TRAK1: variants seen among roughly 807,000 people sequenced by gnomAD.
TRAK1 encodes trafficking kinesin-binding protein 1.
A neutral mutation model predicts 92.1 loss-of-function variants in TRAK1; 33 were observed. The ratio of observed to expected loss-of-function variants is 0.36; its 90% CI spans 0.27 to 0.48. The LOEUF (loss-of-function observed/expected upper bound fraction) is 0.48. Among genes scored for constraint, TRAK1 ranks in the 20% least tolerant of loss-of-function variants. The probability of loss-of-function intolerance (pLI) is 0.99; values close to 1 mark genes in which losing one functional copy is unlikely to be tolerated. For missense variants in TRAK1, 1,123 were observed against 1,257.9 expected, an observed-to-expected ratio of 0.89 and a Z score of 1.62; for synonymous variants, 521 against 517.3, an observed-to-expected ratio of 1.01 and a Z score of -0.10.
chr3:42,075,938 A>G (rs749284072), intron 1 of TRAK1, among the ~76,000 whole-genome samples: 2 of 151,844 alleles, frequency 1.3e-5, no homozygotes, highest in African/African-American at 2.4e-5. Context: ...TGCCTCCCAG[A>G]TTCAAGCAGT....
intron 2 of TRAK1, among the ~76,000 whole-genome samples, chr3:42,143,847 A>G (rs1236030922): frequency 1.3e-5 from 2 of 151,378 alleles, no homozygotes; most frequent in Non-Finnish European, 2.9e-5. Context: ...TAATTGTGAA[A>G]CTCTTCACAG....
At chr3:42,033,361 G>A (rs1424828005) in intron 1 of TRAK1, among the ~76,000 whole-genome samples, 1 of 152,180 alleles carries the variant, frequency 6.6e-6, no homozygotes, top group Non-Finnish European at 1.5e-5. Flanking sequence ...TCAAATTCTG[G>A]ATTCAGCATG....
intron 1 of TRAK1, among the ~76,000 whole-genome samples, chr3:42,043,521 C>T (rs371127043): frequency 6.6e-6 from 1 of 151,992 alleles, no homozygotes; most frequent in East Asian, 1.9e-4. Flanking sequence ...GCCCTGTGAG[C>T]AGACCTCTCC....
rs377753140 is a variant in TRAK1, at chr3:42,192,387, A to G, written c.770-688A>G. On this transcript the variant is annotated intron_variant, in intron 7 of 15. Coordinates refer to ENST00000327628, the MANE Select transcript of TRAK1 (RefSeq NM_001042646.3). Reference sequence around the variant, plus strand: ...GTTTACAAGTTAAGACCAAAGGTCAAAATACTAAGTATATTGCATTTCGTC... The same window carrying G: ...GTTTACAAGTTAAGACCAAAGGTCAGAATACTAAGTATATTGCATTTCGTC... Among the ~76,000 whole-genome samples, 10 of 152,250 alleles carry G rather than the reference A, an allele frequency of 6.6e-5. No homozygotes were observed. In the South Asian group the frequency reaches 1.7e-3, roughly 26 times the overall value.
At chr3:42,143,820 CAGAT>C (rs1393899528) in intron 2 of TRAK1, among the ~76,000 whole-genome samples, 1 of 152,136 alleles carries the variant, frequency 6.6e-6, no homozygotes, top group Non-Finnish European at 1.5e-5. Context: ...GATTTGATGT[CAGAT>C]AGACTTGGAT....
chr3:42,113,011 T>A (rs1708663368), intron 1 of TRAK1, among the ~76,000 whole-genome samples: 1 of 152,124 alleles, frequency 6.6e-6, no homozygotes, highest in Admixed American at 6.5e-5. Flanking sequence ...GCTCAAGTGA[T>A]CCTCCTGCCT....
intron 1 of TRAK1, among the ~76,000 whole-genome samples, chr3:42,022,729 A>AC (rs1036889582): frequency 9.0e-4 from 21 of 23,250 alleles, no homozygotes; most frequent in African/African-American, 9.6e-4. Context: ...TTTAAAAAAA[A>AC]AAAAACAAAA....
rs151087421 is a variant in TRAK1 at position 42,202,602 on chromosome 3, G to A, written c.1594G>A (p.Glu532Lys). Residue 532 changes from glutamate (E) to lysine (K), a missense_variant, in exon 13 of 16, where the codon GAG (glutamate) becomes AAG (lysine). Transcript: ENST00000327628. The surrounding 1 kb of genome is among the most constrained non-coding windows in gnomAD (Gnocchi z 6.1). ...GCTCCAGGAGCTGGCGGAGAAGGGC[G>A]AGCTGCGCAGCGGCTCCCTCACACC... ...RKLQELAEKG[E>K]LRSGSLTPTE... is the part of the protein sequence containing the mutation. 26 of 1,593,200 alleles carry A rather than the reference G, an allele frequency of 1.6e-5. No individual in the cohort carries two copies. The highest frequency in any genetic ancestry group is 2.7e-5 in the African/African-American group (2 of 74,470).
rs889697568 is a variant in TRAK1 at position 42,210,854 on chromosome 3, C to T, written c.1963+869C>T. The T allele has an allele frequency of 3.7e-5, 36 of 978,502 alleles. No homozygotes were observed. The African/African-American group carries it at 6.1e-4, about 17-fold the overall frequency. The allele number at this position is 978,502 out of a possible 1,614,324, so 60.6% of individuals were successfully genotyped here. A position where few individuals can be genotyped will look rare whatever the true frequency, so the allele number is the denominator to read the frequency against. On this transcript the variant is annotated intron_variant, in intron 14 of 15. Transcript: ENST00000327628. ...AGCTCTGGCTGACTCCACCCACTGT[C>T]CCCAAGCATTAAAGGTGTGGCCATG...
chr3:42,180,991 T>C (rs1703920431), intron 3 of TRAK1, among the ~76,000 whole-genome samples: 1 of 152,190 alleles, frequency 6.6e-6, no homozygotes, highest in Non-Finnish European at 1.5e-5. Flanking sequence ...TTGTCCTTAG[T>C]GGGGCAAGAA....
chr3:42,143,138 A>G (rs1698882554), intron 2 of TRAK1, among the ~76,000 whole-genome samples: 1 of 152,134 alleles, frequency 6.6e-6, no homozygotes, highest in African/African-American at 2.4e-5. Flanking sequence ...AGAGCTGGAA[A>G]GAGTTGTTTT....
At chr3:42,127,708 A>C (rs969957787) in intron 2 of TRAK1, among the ~76,000 whole-genome samples, 1 of 152,142 alleles carries the variant, frequency 6.6e-6, no homozygotes, top group Non-Finnish European at 1.5e-5. Flanking sequence ...TAATTGGAAG[A>C]CCATCCATGG....
chr3:42,129,323 C>T lies in TRAK1; in HGVS notation c.286+3709C>T, dbSNP rs560846006. Reference sequence around the variant, plus strand: ...TGTGGGCGGGCATGGGGATAAGGAGCGCTGGGGTTCTGATACGCTCCCCTA... The same window carrying T: ...TGTGGGCGGGCATGGGGATAAGGAGTGCTGGGGTTCTGATACGCTCCCCTA... On this transcript the variant is annotated intron_variant, in intron 2 of 15. Transcript: ENST00000327628. Among the ~76,000 whole-genome samples, 46 of 152,086 alleles carry T rather than the reference C, an allele frequency of 3.0e-4. No individual in the cohort carries two copies. In the Middle Eastern group the frequency reaches 0.014, roughly 45 times the overall value.
intron 1 of TRAK1, among the ~76,000 whole-genome samples, chr3:42,105,271 A>G (rs1707374754): frequency 6.6e-6 from 1 of 152,112 alleles, no homozygotes. Flanking sequence ...AAAGTCTTAA[A>G]AAAAGATTAG....
intron 1 of TRAK1, among the ~76,000 whole-genome samples, chr3:42,016,725 G>A (rs928599793): frequency 6.6e-6 from 1 of 152,184 alleles, no homozygotes; most frequent in Non-Finnish European, 1.5e-5. Context: ...GCCAAGGAGA[G>A]TAAGCAGATA....
chr3:42,026,913 T>C (rs990529488), intron 1 of TRAK1, among the ~76,000 whole-genome samples: 2 of 152,126 alleles, frequency 1.3e-5, no homozygotes, highest in Non-Finnish European at 2.9e-5. Context: ...CTTGGAGTTA[T>C]AGGGTATAAT....
intron 2 of TRAK1, chr3:42,160,532 G>T (rs1576700897): frequency 4.7e-6 from 7 of 1,481,680 alleles, no homozygotes; most frequent in Non-Finnish European, 6.5e-6. Flanking sequence ...AAATAGGCTT[G>T]AATGTTTTGC....
At chr3:42,147,275 G>C (rs961845611) in intron 2 of TRAK1, among the ~76,000 whole-genome samples, 2 of 152,194 alleles carry the variant, frequency 1.3e-5, no homozygotes, top group Non-Finnish European at 2.9e-5. Flanking sequence ...TGGGATCAGG[G>C]AGAGGGAATA....
chr3:42,049,063 G>GT (rs1702876628), intron 1 of TRAK1, among the ~76,000 whole-genome samples: 1 of 149,584 alleles, frequency 6.7e-6, no homozygotes, highest in Admixed American at 6.7e-5. Context: ...ATTTTTTGGG[G>GT]TTTTTAGTAG....
Sources: allele counts gnomAD v4.1 joint callset (sites outside exome capture counted in the v4.1 genomes callset), GRCh38; gene constraint gnomAD v4.1.1; non-coding constraint Gnocchi (gnomAD v3.1); transcripts MANE v1.5; gene names NCBI Gene and HGNC (gene_info 2026-07-23, HGNC 2026-07-21).